The following SYT16 variants were observed in gnomAD, a reference collection of about 807,000 sequenced individuals.
The protein encoded by SYT16 is synaptotagmin 16.
SYT16 carries 42 observed loss-of-function variants against 61.4 expected under a neutral mutation model. The ratio of observed to expected loss-of-function variants is 0.68; its 90% CI spans 0.53 to 0.89. The LOEUF is 0.89. Ranked by LOEUF, SYT16 falls within the 40% of genes least tolerant of loss-of-function variation. SYT16 has a pLI of 0.00. For synonymous variants in SYT16, 314 were observed against 302.3 expected, an observed-to-expected ratio of 1.04 and a Z score of -0.40; for missense variants, 804 against 807.3, an observed-to-expected ratio of 1.00 and a Z score of 0.05.
chr14:61,885,295 G>A (rs941010217), intron 1 of SYT16, among the ~76,000 whole-genome samples: 2 of 152,114 alleles, frequency 1.3e-5, no homozygotes, highest in African/African-American at 4.8e-5. Flanking sequence ...TATCTAAAAA[G>A]GGAGAGAGGG....
At chr14:61,991,997 A>T (rs1269832257) in intron 2 of SYT16, among the ~76,000 whole-genome samples, 1 of 150,118 alleles carries the variant, frequency 6.7e-6, no homozygotes, top group Non-Finnish European at 1.5e-5. Context: ...TTCATGGAAC[A>T]TGGAGAGCCC....
At chr14:61,830,092 C>G (rs777293887) in intron 1 of SYT16, among the ~76,000 whole-genome samples, 64 of 151,892 alleles carry the variant, frequency 4.2e-4, no homozygotes, top group Non-Finnish European at 6.8e-4. Flanking sequence ...TTCTTTATAT[C>G]TTGAGTATTT....
chr14:61,989,673 T>A (rs2052467068), intron 2 of SYT16, among the ~76,000 whole-genome samples: 2 of 152,228 alleles, frequency 1.3e-5, no homozygotes, highest in Admixed American at 6.5e-5. Flanking sequence ...TTCTCCTAGA[T>A]GAGAACATTT....
At chr14:62,039,346 AATG>A in intron 3 of SYT16, among the ~76,000 whole-genome samples, 1 of 152,290 alleles carries the variant, frequency 6.6e-6, no homozygotes, top group African/African-American at 2.4e-5. Context: ...AGCAGTAATG[AATG>A]ATATTTGGGG....
intron 1 of SYT16, among the ~76,000 whole-genome samples, chr14:61,929,916 A>G (rs1005451169): frequency 2.6e-5 from 4 of 152,190 alleles, no homozygotes; most frequent in African/African-American, 7.2e-5. Context: ...CACTAGGTCA[A>G]TTTGTATATA....
chr14:61,822,981 T>C (rs2045660474), intron 1 of SYT16, among the ~76,000 whole-genome samples: 1 of 152,128 alleles, frequency 6.6e-6, no homozygotes, highest in African/African-American at 2.4e-5. Flanking sequence ...AAGGCTCTAT[T>C]TTTTTATTTT....
intron 1 of SYT16, among the ~76,000 whole-genome samples, chr14:61,820,152 A>G (rs1045617431): frequency 6.6e-6 from 1 of 152,258 alleles, no homozygotes; most frequent in Non-Finnish European, 1.5e-5. Context: ...TGCAGAACTC[A>G]GATTTTAAAT....
At chr14:61,937,612 A>G (rs986125866) in intron 1 of SYT16, among the ~76,000 whole-genome samples, 2 of 152,216 alleles carry the variant, frequency 1.3e-5, no homozygotes, top group African/African-American at 4.8e-5. Context: ...ATGGGCAGGA[A>G]GCCCCACTTG....
intron 1 of SYT16, among the ~76,000 whole-genome samples, chr14:61,924,738 T>C (rs1168954936): frequency 6.6e-6 from 1 of 152,238 alleles, no homozygotes; most frequent in East Asian, 1.9e-4. Flanking sequence ...AAAATGGCAA[T>C]GATGAACAGT....
At chr14:61,833,300 T>TC (rs2046001840) in intron 1 of SYT16, among the ~76,000 whole-genome samples, 1 of 151,294 alleles carries the variant, frequency 6.6e-6, no homozygotes, top group African/African-American at 2.4e-5. Context: ...CTTTTCTTTT[T>TC]TTTTTTTTTG....
In SYT16 at chr14:62,084,197, G is replaced by T. The variant is rs1344006833; in HGVS notation, c.1436G>T (p.Ser479Ile). The part of the protein sequence containing the change: ...LVLEPRSNIS[S>I]GGSPLSPSAV... ...TTCTTTGTTGTTCTTCCCCTCCAGA[G>T]TGGAGGGTCTCCGCTCAGCCCATCT... Residue 479 changes from serine to isoleucine, a missense_variant and splice_region_variant, in exon 7 of 8, where the codon AGT (serine) becomes ATT (isoleucine). By Grantham distance (142) the Ser-to-Ile change is moderately radical. Transcript: ENST00000683842. The T allele has an allele frequency of 1.2e-6, 2 of 1,613,250 alleles. No homozygotes were observed. The highest frequency in any genetic ancestry group is 1.1e-5 in the South Asian group (1 of 91,014).
intron 1 of SYT16, among the ~76,000 whole-genome samples, chr14:61,956,712 A>G (rs543891655): frequency 2.6e-5 from 4 of 151,926 alleles, no homozygotes; most frequent in Non-Finnish European, 4.4e-5. Flanking sequence ...TAGCTTTGCA[A>G]TATGTTTTGA....
chr14:62,042,299 A>C (rs994377329), intron 3 of SYT16, among the ~76,000 whole-genome samples: 2 of 152,082 alleles, frequency 1.3e-5, no homozygotes, highest in African/African-American at 4.8e-5. Context: ...CACCACGCCC[A>C]GCCCAAACAT....
intron 1 of SYT16, among the ~76,000 whole-genome samples, chr14:61,833,780 T>C (rs1251605772): frequency 6.6e-6 from 1 of 150,472 alleles, no homozygotes; most frequent in African/African-American, 2.4e-5. Flanking sequence ...TCCTCGCTCT[T>C]TCTTTGCGCT....
At chr14:62,007,510 T>C (rs984948636) in intron 3 of SYT16, among the ~76,000 whole-genome samples, 2 of 152,212 alleles carry the variant, frequency 1.3e-5, no homozygotes, top group Non-Finnish European at 2.9e-5. Flanking sequence ...TTAATGAACA[T>C]GTTAGCAGCT....
chr14:61,924,264 T>G (rs549560631), intron 1 of SYT16, among the ~76,000 whole-genome samples: 4 of 152,318 alleles, frequency 2.6e-5, no homozygotes, highest in African/African-American at 9.6e-5. Context: ...GAGCCCCTAA[T>G]GGTTGGCAGG....
intron 3 of SYT16, among the ~76,000 whole-genome samples, chr14:61,997,832 G>T (rs554520237): frequency 5.6e-4 from 85 of 152,092 alleles, no homozygotes; most frequent in African/African-American, 2.0e-3. Context: ...CACTAATTTT[G>T]CTAATTTTTG....
chr14:61,896,202 G>A (rs1357687804), intron 1 of SYT16, among the ~76,000 whole-genome samples: 2 of 151,954 alleles, frequency 1.3e-5, no homozygotes, highest in Non-Finnish European at 2.9e-5. Flanking sequence ...TGCTTATATG[G>A]GCAAGAACCC....
intron 3 of SYT16, among the ~76,000 whole-genome samples, chr14:62,043,218 C>A (rs571798752): frequency 4.6e-5 from 7 of 151,784 alleles, no homozygotes; most frequent in African/African-American, 1.5e-4. Context: ...CCTCCAGTAC[C>A]CCCTCAGAAG....
Sources: gnomAD v4.1 joint callset for allele counts (sites outside exome capture counted in the v4.1 genomes callset) on GRCh38, gnomAD v4.1.1 for gene constraint, MANE v1.5 for transcripts, NCBI Gene and HGNC (gene_info 2026-07-23, HGNC 2026-07-21) for gene names.